GNAS: variants seen among roughly 807,000 people sequenced by gnomAD.
GNAS encodes GNAS complex locus.
In GNAS, 8 loss-of-function variants were observed where a neutral mutation model predicts 54.5. The observed-to-expected ratio is 0.15, with a 90% CI of 0.09 to 0.26. GNAS has a LOEUF of 0.26. GNAS is among the 10% of genes least tolerant of loss of function. The pLI is 1.00. For missense variants in GNAS, 170 were observed against 529.8 expected (o/e 0.32, Z 6.67); for synonymous variants, 204 against 191.4 (o/e 1.07, Z -0.54).
chr20:58,904,518 G>A lies in GNAS; in HGVS notation c.432+727G>A, dbSNP rs151252892. 2.6e-3 allele frequency among the ~76,000 whole-genome samples: 393 copies of A among 152,330 alleles called. 1 individual carries two copies. The highest frequency in any genetic ancestry group is 4.4e-3 in the Admixed American group (67 of 15,306). The stretch of plus-strand genomic sequence containing the variant: ...CAAGCATATAAGTTTAGGCCCCTTC[G>A]TGGGGAGAATGGCTTATAAGCGGGG... On this transcript the variant is annotated intron_variant, in intron 5 of 12. Transcript: ENST00000371085.
chr20:58,898,912 T>G, intron 2 of GNAS, 29 bp from the exon 3 acceptor site: 1 of 1,604,454 alleles, frequency 6.2e-7, no homozygotes, highest in Non-Finnish European at 8.5e-7. Flanking sequence ...CCTTGCAGAT[T>G]AGGTGAGCTT....
upstream of GNAS, chr20:58,889,417 C>G (rs1193285520): frequency 1.0e-6 from 1 of 977,208 alleles, no homozygotes. Flanking sequence ...GCAAGAGCCG[C>G]CGGGTCCGGG....
At chr20:58,894,147 C>A (rs1424990837) in intron 1 of GNAS, among the ~76,000 whole-genome samples, 4 of 152,174 alleles carry the variant, frequency 2.6e-5, no homozygotes, top group African/African-American at 9.7e-5. Flanking sequence ...TAGAGAACTA[C>A]AATGATCTTA....
At chr20:58,870,729 G>A (rs929968272) in intron 1 of GNAS, among the ~76,000 whole-genome samples, 32 of 152,158 alleles carry the variant, frequency 2.1e-4, no homozygotes, top group African/African-American at 6.3e-4. Context: ...CCCTGCGCCA[G>A]ACGCACAAAT....
In GNAS at chr20:58,910,426, C is replaced by T. The variant is rs777089266; in HGVS notation, c.1038+25C>T. The T allele has an allele frequency of 3.2e-6, 5 of 1,552,520 alleles. No homozygotes were observed. Among genetic ancestry groups the T allele is most frequent in the Non-Finnish European group, 8.9e-7 (1 of 1,123,990 alleles). On this transcript the variant is annotated intron_variant, in intron 12 of 12. Coordinates refer to ENST00000371085, the MANE Select transcript of GNAS (RefSeq NM_000516.7). This position sits in a 1 kb window ranked among gnomAD's most constrained non-coding sequence, Gnocchi z 5.8. The stretch of plus-strand genomic sequence containing the variant: ...GGTGAGTCGAGCCTGTCTTTAGTTT[C>T]CTCTCTTGTTCCTCCTCTTTTTCTC...
chr20:58,902,052 A>G (rs1601099930), intron 3 of GNAS, among the ~76,000 whole-genome samples: 1 of 151,996 alleles, frequency 6.6e-6, no homozygotes, highest in African/African-American at 2.4e-5. Flanking sequence ...ATTAAAAAAT[A>G]TATATATACA....
intron 1 of GNAS, among the ~76,000 whole-genome samples, chr20:58,861,746 C>T (rs1459502660): frequency 3.3e-5 from 5 of 152,140 alleles, no homozygotes; most frequent in African/African-American, 9.7e-5. Flanking sequence ...GCTCTTGTTG[C>T]GCAGGCTGGA....
At chr20:58,903,166 C>T (rs1445474492) in intron 3 of GNAS, 1 of 391,822 alleles carries the variant, frequency 2.6e-6, no homozygotes. Flanking sequence ...TGACCTATCA[C>T]TCCAGCCTCA....
intron 3 of GNAS, among the ~76,000 whole-genome samples, chr20:58,900,998 T>C (rs1185929216): frequency 1.3e-5 from 2 of 152,224 alleles, no homozygotes; most frequent in African/African-American, 4.8e-5. Context: ...ATACTACTGC[T>C]TAGACCAAAA....
intron 1 of GNAS, 128 bp downstream of exon 1, chr20:58,891,993 C>G: frequency 3.9e-6 from 3 of 763,742 alleles, no homozygotes; most frequent in African/African-American, 1.9e-5. Flanking sequence ...TTCGCGGGCT[C>G]TGTCTGTGGG....
upstream of GNAS, chr20:58,890,640 C>G (rs1370747112): frequency 1.3e-5 from 2 of 152,050 alleles, no homozygotes; most frequent in South Asian, 4.1e-4. Flanking sequence ...CTTGGGCGGC[C>G]GCGCCAAGCG....
chr20:58,840,629 C>T, upstream of GNAS: 1 of 1,606,852 alleles, frequency 6.2e-7, no homozygotes, highest in Non-Finnish European at 8.5e-7. This position sits in a 1 kb window ranked among gnomAD's most constrained non-coding sequence, Gnocchi z 6.0. Flanking sequence ...CGACGCCTCC[C>T]CAAGTCGCGC....
At chr20:58,855,958 G>A (rs575975935) in intron 1 of GNAS, 6 of 341,824 alleles carry the variant, frequency 1.8e-5, no homozygotes, top group Admixed American at 8.9e-5. Flanking sequence ...TTCGCTGTTC[G>A]CACACTCTGG....
intron 6 of GNAS, among the ~76,000 whole-genome samples, chr20:58,907,406 G>A (rs1199024365): frequency 6.6e-6 from 1 of 152,134 alleles, no homozygotes; most frequent in East Asian, 1.9e-4. Flanking sequence ...AGCTGGAAGC[G>A]CTAATTATAG....
At chr20:58,874,356 C>T (rs749380397) in intron 1 of GNAS, among the ~76,000 whole-genome samples, 1 of 152,242 alleles carries the variant, frequency 6.6e-6, no homozygotes, top group African/African-American at 2.4e-5. Context: ...ACTATGCCTT[C>T]CAGGATCTTT....
chr20:58,858,724 GCCA>G (rs929637937), intron 1 of GNAS, among the ~76,000 whole-genome samples: 1 of 152,098 alleles, frequency 6.6e-6, no homozygotes, highest in African/African-American at 2.4e-5. Context: ...GATTATTTAT[GCCA>G]CCAAGTGCAA....
intron 2 of GNAS, 115 bp from the exon 3 acceptor site, chr20:58,898,826 G>T (rs913327693): frequency 2.1e-6 from 2 of 959,242 alleles, no homozygotes; most frequent in South Asian, 1.3e-5. Flanking sequence ...GCTGGCGCGC[G>T]AATTGTTGCT....
intron 6 of GNAS, among the ~76,000 whole-genome samples, chr20:58,907,651 A>G (rs1045122507): frequency 1.3e-5 from 2 of 152,186 alleles, no homozygotes; most frequent in African/African-American, 2.4e-5. Context: ...TTTTTAAGCA[A>G]CACTTAATTA....
At chr20:58,896,446 T>C (rs2090057212) in intron 2 of GNAS, among the ~76,000 whole-genome samples, 1 of 151,754 alleles carries the variant, frequency 6.6e-6, no homozygotes, top group African/African-American at 2.4e-5. Context: ...TGGCAATCCG[T>C]AGTGGGAATG....
Sources: gnomAD v4.1 joint callset for allele counts (sites outside exome capture counted in the v4.1 genomes callset) on GRCh38, gnomAD v4.1.1 for gene constraint, Gnocchi (gnomAD v3.1) non-coding constraint, MANE v1.5 for transcripts, NCBI Gene and HGNC (gene_info 2026-07-23, HGNC 2026-07-21) for gene names.